The following PALM2AKAP2 variants were observed in gnomAD, a reference collection of about 807,000 sequenced individuals.
PALM2AKAP2 encodes PALM2-AKAP2 fusion protein.
PALM2AKAP2 carries 37 observed loss-of-function variants against 71.5 expected under a neutral mutation model. The ratio of observed to expected loss-of-function variants is 0.52; its 90% CI spans 0.40 to 0.68. PALM2AKAP2 has a LOEUF of 0.68. Ranked by LOEUF, PALM2AKAP2 falls within the 30% of genes least tolerant of loss-of-function variation. The pLI is 0.00. For missense variants in PALM2AKAP2, 1,224 were observed against 1,191.8 expected (o/e 1.03, Z -0.40); for synonymous variants, 468 against 478.8 (o/e 0.98, Z 0.29).
chr9:109,968,718 C>T (rs973571461), intron 6 of PALM2AKAP2, among the ~76,000 whole-genome samples: 1 of 152,150 alleles, frequency 6.6e-6, no homozygotes, highest in Non-Finnish European at 1.5e-5. Context: ...TGGGGGGAAG[C>T]CCTAAGGAGT....
At chr9:109,780,585 G>C (rs781448356) in intron 1 of PALM2AKAP2, 52 bp downstream of exon 1, 1 of 1,611,542 alleles carries the variant, frequency 6.2e-7, no homozygotes, top group Admixed American at 1.7e-5. Context: ...GGTGGAAGGG[G>C]GCCCCCGAGG....
intron 3 of PALM2AKAP2, among the ~76,000 whole-genome samples, chr9:109,912,946 A>C (rs1418120275): frequency 6.6e-6 from 1 of 152,224 alleles, no homozygotes; most frequent in Non-Finnish European, 1.5e-5. Flanking sequence ...GCAAGAGTTC[A>C]GTTGGCCTAG....
chr9:110,137,377 A>G, exon 2 of PALM2AKAP2: 2 of 1,614,172 alleles, frequency 1.2e-6, no homozygotes, highest in Non-Finnish European at 1.7e-6. Flanking sequence ...GGGGACCTCC[A>G]GAAGACAGTG....
chr9:110,142,809 A>G (rs1836066832), intron 2 of PALM2AKAP2, among the ~76,000 whole-genome samples: 1 of 152,204 alleles, frequency 6.6e-6, no homozygotes, highest in Non-Finnish European at 1.5e-5. Context: ...CCAGACAACC[A>G]AGAGCTCTAT....
At position 109,987,867 on chromosome 9, in the gene PALM2AKAP2, A is replaced by G. The variant is rs112101545; in HGVS notation, c.497-28087A>G. Among the ~76,000 whole-genome samples, 137 of 152,360 alleles carry G rather than the reference A, an allele frequency of 9.0e-4. 1 individual carries two copies. The highest frequency in any genetic ancestry group is 3.2e-3 in the African/African-American group (134 of 41,598). ...ATATGACAATGTTCAGTGGAAGAAG[A>G]AAAGGAAGTTTCTTCATCTGTGTCT... On this transcript the variant is annotated intron_variant, in intron 6 of 9. Coordinates refer to the PALM2AKAP2 transcript ENST00000302798.
intron 2 of PALM2AKAP2, among the ~76,000 whole-genome samples, chr9:110,143,878 G>A (rs761591942): frequency 2.0e-5 from 3 of 152,218 alleles, no homozygotes; most frequent in Non-Finnish European, 2.9e-5. Flanking sequence ...TTTGTGGAAA[G>A]ATGTGATAGT....
At chr9:109,943,138 T>C (rs774940253) in intron 6 of PALM2AKAP2, 7 of 1,614,248 alleles carry the variant, frequency 4.3e-6, no homozygotes, top group Non-Finnish European at 5.9e-6. Context: ...TTTTATGGGC[T>C]ACCAAAATAT....
At chr9:110,135,918 C>A (rs1213138757) in intron 1 of PALM2AKAP2, among the ~76,000 whole-genome samples, 1 of 152,096 alleles carries the variant, frequency 6.6e-6, no homozygotes, top group Non-Finnish European at 1.5e-5. Context: ...AGCATGTAAA[C>A]AAAATGGAAT....
chr9:109,842,955 A>G (rs566396297), intron 1 of PALM2AKAP2, among the ~76,000 whole-genome samples: 80 of 152,174 alleles, frequency 5.3e-4, no homozygotes, highest in African/African-American at 1.9e-3. Flanking sequence ...AGACCGACCA[A>G]CGTGGAGAAA....
Position 110,012,295 on chromosome 9 carries a change from AAAAAAGAAAAAG to A in PALM2AKAP2, c.497-3642_497-3631del, listed in dbSNP as rs369284825. 9.1e-3 allele frequency among the ~76,000 whole-genome samples: 1,384 copies of A among 152,268 alleles called. 23 individuals carry two copies. The highest frequency in any genetic ancestry group is 0.031 in the African/African-American group (1,295 of 41,534). On this transcript the variant is annotated intron_variant, in intron 6 of 9. Transcript: ENST00000302798. ...GTGACAGAGCGAGACTCTGTCTCAA[AAAAAAGAAAAAG>A]AAAAAGAAAAAGAAAAGTATTTTTT...
At chr9:110,025,479 A>G (rs927276150) in intron 7 of PALM2AKAP2, 1 of 621,282 alleles carries the variant, frequency 1.6e-6, no homozygotes, top group Non-Finnish European at 2.8e-6. Context: ...TCTTGCTATG[A>G]ATAGTTGCTG....
At chr9:110,062,798 C>T (rs1248489225) in intron 1 of PALM2AKAP2, among the ~76,000 whole-genome samples, 1 of 152,234 alleles carries the variant, frequency 6.6e-6, no homozygotes, top group African/African-American at 2.4e-5. Flanking sequence ...GGACCCCAAA[C>T]TCATTTAGCC....
intron 1 of PALM2AKAP2, among the ~76,000 whole-genome samples, chr9:110,051,906 C>CTT (rs35443425): frequency 9.8e-5 from 14 of 143,414 alleles, no homozygotes; most frequent in Non-Finnish European, 1.7e-4. Context: ...AAATTGCACC[C>CTT]TTTTTTTTTT....
intron 1 of PALM2AKAP2, among the ~76,000 whole-genome samples, chr9:109,669,116 A>G (rs1827536090): frequency 6.6e-6 from 1 of 152,218 alleles, no homozygotes; most frequent in Non-Finnish European, 1.5e-5. Context: ...AGGTAAGCTT[A>G]AACACAGGTC....
intron 1 of PALM2AKAP2, among the ~76,000 whole-genome samples, chr9:109,843,301 CAAAAAAAA>C (rs35634219): frequency 1.5e-5 from 1 of 66,960 alleles, no homozygotes; most frequent in African/African-American, 7.0e-5. Flanking sequence ...GCCCCTGTCT[CAAAAAAAA>C]AAAAAAAAAA....
upstream of PALM2AKAP2, among the ~76,000 whole-genome samples, chr9:110,045,721 C>T (rs930846770): frequency 9.2e-5 from 14 of 152,152 alleles, no homozygotes; most frequent in African/African-American, 2.7e-4. Context: ...GCTTCTGCCA[C>T]CACGTCTGGC....
intron 1 of PALM2AKAP2, among the ~76,000 whole-genome samples, chr9:109,832,996 C>T (rs1297755849): frequency 2.0e-5 from 3 of 152,192 alleles, no homozygotes; most frequent in Non-Finnish European, 4.4e-5. Context: ...CTCTTGTTTT[C>T]CTCATGCGAG....
At chr9:109,906,206 C>T (rs765577821) in intron 3 of PALM2AKAP2, among the ~76,000 whole-genome samples, 3 of 151,988 alleles carry the variant, frequency 2.0e-5, no homozygotes, top group African/African-American at 4.8e-5. Context: ...TACAATTTTG[C>T]GGGGGTAGGG....
chr9:109,751,663 T>C (rs1043977099), intron 1 of PALM2AKAP2, among the ~76,000 whole-genome samples: 1 of 152,186 alleles, frequency 6.6e-6, no homozygotes, highest in African/African-American at 2.4e-5. Flanking sequence ...TGCTCTCAAT[T>C]AAAGAAGTTG....
Sources: allele counts gnomAD v4.1 joint callset (sites outside exome capture counted in the v4.1 genomes callset), GRCh38; gene constraint gnomAD v4.1.1; transcripts MANE v1.5; gene names NCBI Gene and HGNC (gene_info 2026-07-23, HGNC 2026-07-21).